Variants in KDM4C observed in about 807,000 individuals in gnomAD.
KDM4C encodes lysine-specific demethylase 4C.
In KDM4C, 81 loss-of-function variants were observed where a neutral mutation model predicts 129.3. The ratio of observed to expected loss-of-function variants is 0.63; its 90% CI spans 0.52 to 0.75. The LOEUF is 0.75. Ranked by LOEUF, KDM4C falls within the 30% of genes least tolerant of loss-of-function variation. The probability of loss-of-function intolerance (pLI) is 0.00; values close to 1 mark genes in which losing one functional copy is unlikely to be tolerated. For missense variants in KDM4C, 1,457 were observed against 1,304.0 expected (o/e 1.12, Z -1.81); for synonymous variants, 573 against 456.1 (o/e 1.26, Z -3.26).
At chr9:6,964,699 G>A (rs10815493) in intron 8 of KDM4C, among the ~76,000 whole-genome samples, 99,541 of 148,938 alleles carry the variant, frequency 0.67, 33,846 homozygotes, top group East Asian at 1. Context: ...GGAGAATGGC[G>A]TGAACCCGGG....
intron 17 of KDM4C, among the ~76,000 whole-genome samples, chr9:7,081,321 C>T (rs1413362410): frequency 5.3e-5 from 8 of 152,146 alleles, no homozygotes; most frequent in African/African-American, 1.2e-4. Context: ...GTGCCTAAAG[C>T]GCTAAGGGAA....
chr9:6,877,933 G>T (rs1018683449), intron 5 of KDM4C, among the ~76,000 whole-genome samples: 4 of 152,190 alleles, frequency 2.6e-5, no homozygotes, highest in African/African-American at 9.7e-5. Context: ...ATTTGTATAG[G>T]AAACATTACA....
At chr9:6,724,247 G>A (rs1817053248) in intron 1 of KDM4C, among the ~76,000 whole-genome samples, 1 of 152,134 alleles carries the variant, frequency 6.6e-6, no homozygotes, top group South Asian at 2.1e-4. Flanking sequence ...GTGGCAATAG[G>A]CAGTAAGTGC....
At chr9:6,760,728 G>A (rs1340952290) in intron 1 of KDM4C, among the ~76,000 whole-genome samples, 1 of 151,710 alleles carries the variant, frequency 6.6e-6, no homozygotes, top group Non-Finnish European at 1.5e-5. Flanking sequence ...CCACCACCAT[G>A]CCTGGCTAAT....
At chr9:7,095,206 C>T (rs562788477) in intron 17 of KDM4C, among the ~76,000 whole-genome samples, 31 of 152,282 alleles carry the variant, frequency 2.0e-4, no homozygotes, top group African/African-American at 4.6e-4. Flanking sequence ...TGTTCCACCC[C>T]GGTCCTCATA....
At chr9:6,744,101 A>G (rs1436081142) in intron 1 of KDM4C, among the ~76,000 whole-genome samples, 1 of 67,878 alleles carries the variant, frequency 1.5e-5, no homozygotes, top group Non-Finnish European at 2.5e-5. Flanking sequence ...ACACTTTGTT[A>G]CCTCTAAGGG....
At chr9:6,905,861 C>G (rs546360036) in intron 8 of KDM4C, among the ~76,000 whole-genome samples, 1 of 152,248 alleles carries the variant, frequency 6.6e-6, no homozygotes, top group East Asian at 1.9e-4. Flanking sequence ...TCCTTCAATT[C>G]CTATTACCCT....
intron 8 of KDM4C, among the ~76,000 whole-genome samples, chr9:6,948,907 CTGAT>C (rs1008402483): frequency 2.0e-5 from 3 of 152,200 alleles, no homozygotes; most frequent in Non-Finnish European, 4.4e-5. Flanking sequence ...CAGCAACAAT[CTGAT>C]TTCTCTATCT....
At chr9:6,819,696 A>T (rs763818144) in intron 4 of KDM4C, among the ~76,000 whole-genome samples, 2 of 152,252 alleles carry the variant, frequency 1.3e-5, no homozygotes, top group African/African-American at 2.4e-5. Context: ...TAGACAAAGA[A>T]TAACAAAAGA....
chr9:6,901,073 A>G (rs1817324100), intron 8 of KDM4C, among the ~76,000 whole-genome samples: 1 of 152,144 alleles, frequency 6.6e-6, no homozygotes, highest in African/African-American at 2.4e-5. Flanking sequence ...TATTCTAGAC[A>G]TGGTGACTGC....
chr9:7,066,664 A>G (rs899639889), intron 17 of KDM4C, among the ~76,000 whole-genome samples: 13 of 152,234 alleles, frequency 8.5e-5, no homozygotes, highest in African/African-American at 2.9e-4. Context: ...GGAAAATGAA[A>G]TATCTGTGAG....
chr9:7,036,386 A>C (rs559589078), intron 15 of KDM4C, among the ~76,000 whole-genome samples: 1 of 152,304 alleles, frequency 6.6e-6, no homozygotes, highest in African/African-American at 2.4e-5. Context: ...TGGAAATACT[A>C]TTATGTAAAT....
At chr9:6,778,631 G>A (rs1823615548) in intron 1 of KDM4C, among the ~76,000 whole-genome samples, 1 of 151,720 alleles carries the variant, frequency 6.6e-6, no homozygotes, top group Non-Finnish European at 1.5e-5. Context: ...GCGGGGCGTG[G>A]TGGCACATGC....
At chr9:6,998,015 A>G (rs1212445161) in intron 12 of KDM4C, among the ~76,000 whole-genome samples, 4 of 152,244 alleles carry the variant, frequency 2.6e-5, no homozygotes, top group South Asian at 4.1e-4. Context: ...TATTGGCAAT[A>G]TTCAGATTAA....
intron 18 of KDM4C, among the ~76,000 whole-genome samples, chr9:7,116,514 TG>T (rs1275751119): frequency 2.0e-5 from 3 of 152,130 alleles, no homozygotes; most frequent in African/African-American, 7.2e-5. Flanking sequence ...TTTCCCATCC[TG>T]CCCCCACGTG....
At chr9:7,050,901 C>G (rs1302161290) in intron 17 of KDM4C, among the ~76,000 whole-genome samples, 1 of 152,184 alleles carries the variant, frequency 6.6e-6, no homozygotes, top group African/African-American at 2.4e-5. Context: ...GATGGTGAAG[C>G]TTGTCGCTTT....
At chr9:6,746,798 G>A (rs1442267193) in intron 1 of KDM4C, among the ~76,000 whole-genome samples, 2 of 149,754 alleles carry the variant, frequency 1.3e-5, no homozygotes, top group East Asian at 4.0e-4. Flanking sequence ...CACGAGGTCA[G>A]GAGATCGAGA....
intron 8 of KDM4C, among the ~76,000 whole-genome samples, chr9:6,969,741 T>C (rs1415568300): frequency 6.6e-6 from 1 of 152,228 alleles, no homozygotes; most frequent in Non-Finnish European, 1.5e-5. Context: ...TTTTCTATGT[T>C]CAGAGGTGAT....
chr9:7,050,345 A>G (rs368968996), intron 17 of KDM4C, among the ~76,000 whole-genome samples: 5 of 150,312 alleles, frequency 3.3e-5, no homozygotes, highest in Middle Eastern at 3.4e-3. Context: ...ATGGCCCTCT[A>G]AAGGTCACAG....
Sources: allele counts gnomAD v4.1 joint callset (sites outside exome capture counted in the v4.1 genomes callset), GRCh38; gene constraint gnomAD v4.1.1; transcripts MANE v1.5; gene names NCBI Gene and HGNC (gene_info 2026-07-23, HGNC 2026-07-21).